Variants in CDH12 observed in about 807,000 individuals in gnomAD.
CDH12 encodes the protein cadherin-12.
CDH12 carries 41 observed loss-of-function variants against 74.1 expected under a neutral mutation model. That is an observed-to-expected ratio of 0.55 (90% confidence interval 0.43 to 0.72). The LOEUF (loss-of-function observed/expected upper bound fraction) is 0.72, where lower values mean the gene tolerates loss of function less well. Ranked by LOEUF, CDH12 falls within the 30% of genes least tolerant of loss-of-function variation. The pLI is 0.00. For missense variants in CDH12, 945 were observed against 977.2 expected (o/e 0.97, Z 0.44); for synonymous variants, 399 against 355.0 (o/e 1.12, Z -1.39).
At chr5:22,229,469 T>C (rs1752312841) in intron 3 of CDH12, among the ~76,000 whole-genome samples, 1 of 151,738 alleles carries the variant, frequency 6.6e-6, no homozygotes, top group African/African-American at 2.4e-5. Context: ...AAAAAGATTT[T>C]GAGCCTTGCT....
chr5:22,560,307 C>T (rs1738983353), intron 1 of CDH12, among the ~76,000 whole-genome samples: 1 of 152,136 alleles, frequency 6.6e-6, no homozygotes, highest in African/African-American at 2.4e-5. Flanking sequence ...ATCCTCCAGG[C>T]ATGTGAATCA....
intron 1 of CDH12, among the ~76,000 whole-genome samples, chr5:22,831,476 A>G (rs1275556053): frequency 2.0e-5 from 3 of 151,914 alleles, no homozygotes; most frequent in African/African-American, 7.3e-5. Context: ...TAGGAAGTAA[A>G]TGGAGGATGT....
intron 6 of CDH12, among the ~76,000 whole-genome samples, chr5:21,880,467 T>TTTCCTTCCTTCCTTCCTTCCTTCCTTCC (rs1207307885): frequency 7.1e-5 from 6 of 84,880 alleles, no homozygotes; most frequent in African/African-American, 2.7e-4. Context: ...TCCTTCCTTC[T>TTTCCTTCCTTCCTTCCTTCCTTCCTTCC]TTCCTTCCTT....
chr5:22,797,478 T>C (rs1455313095), intron 1 of CDH12, among the ~76,000 whole-genome samples: 1 of 152,202 alleles, frequency 6.6e-6, no homozygotes, highest in East Asian at 1.9e-4. Context: ...CCTTGTTCTG[T>C]ACTAAGTGGC....
At chr5:22,536,855 C>A (rs1737870146) in intron 1 of CDH12, among the ~76,000 whole-genome samples, 1 of 152,172 alleles carries the variant, frequency 6.6e-6, no homozygotes, top group African/African-American at 2.4e-5. Context: ...CACTTGACTG[C>A]ACAAAAACTT....
chr5:21,755,511 G>C, intron 14 of CDH12, 80 bp downstream of exon 14: 1 of 1,237,760 alleles, frequency 8.1e-7, no homozygotes, highest in African/African-American at 1.5e-5. Flanking sequence ...ATAAATTGAG[G>C]AGAGAGATGG....
intron 3 of CDH12, among the ~76,000 whole-genome samples, chr5:22,293,304 T>C (rs1737481456): frequency 6.6e-6 from 1 of 152,126 alleles, no homozygotes; most frequent in Non-Finnish European, 1.5e-5. Flanking sequence ...GCTCTTGCAG[T>C]GACCAGAAGA....
At chr5:22,004,858 T>C (rs918384953) in intron 5 of CDH12, among the ~76,000 whole-genome samples, 3 of 152,172 alleles carry the variant, frequency 2.0e-5, no homozygotes, top group African/African-American at 7.2e-5. Context: ...TATGTCCATG[T>C]GTACTCATTG....
chr5:22,270,402 T>C lies in CDH12; in HGVS notation c.-332-57759A>G, dbSNP rs1736340638. 2.0e-5 allele frequency among the ~76,000 whole-genome samples: 3 copies of C among 151,958 alleles called. No individual in the cohort carries two copies. The South Asian group carries it at 6.2e-4, about 31-fold the overall frequency. Reference sequence around the variant, plus strand: ...TGAGGTCTGGAGATCGAGACCATCCTGGATAACATGGTGAAACCCCATCTC... The same window carrying C: ...TGAGGTCTGGAGATCGAGACCATCCCGGATAACATGGTGAAACCCCATCTC... On this transcript the variant is annotated intron_variant, in intron 3 of 14. Transcript: ENST00000382254.
rs78742803 is a variant in CDH12 at position 22,016,938 on chromosome 5, C to T, written c.232-41553G>A. On this transcript the variant is annotated intron_variant, in intron 5 of 14. Coordinates refer to ENST00000382254, the MANE Select transcript of CDH12 (RefSeq NM_004061.5). ...CTTGTTTAATTTCTGTGCTATACTC[C>T]TTCTGTCACAGCTTGTTTCTATTTC... Among the ~76,000 whole-genome samples, 933 of 152,098 alleles carry T rather than the reference C, an allele frequency of 6.1e-3. 8 individuals carry two copies. Among genetic ancestry groups the T allele is most frequent in the African/African-American group, 0.022 (897 of 41,458 alleles).
chr5:22,717,962 A>G (rs1743668034), intron 1 of CDH12, among the ~76,000 whole-genome samples: 1 of 152,158 alleles, frequency 6.6e-6, no homozygotes, highest in Non-Finnish European at 1.5e-5. Context: ...TAATTGAGAT[A>G]ATTTTCTGTC....
chr5:22,384,518 T>C (rs1580591274), intron 3 of CDH12, among the ~76,000 whole-genome samples: 1 of 79,198 alleles, frequency 1.3e-5, no homozygotes, highest in Non-Finnish European at 2.5e-5. Context: ...AGAGCGAAAC[T>C]CCGTCTCAAA....
chr5:22,191,800 G>A (rs1750321891), intron 4 of CDH12, among the ~76,000 whole-genome samples: 1 of 151,852 alleles, frequency 6.6e-6, no homozygotes, highest in Non-Finnish European at 1.5e-5. Flanking sequence ...TCCTGACCTC[G>A]TGATCCGCCC....
intron 6 of CDH12, among the ~76,000 whole-genome samples, chr5:21,861,211 A>C (rs138296082): frequency 1.3e-5 from 2 of 151,758 alleles, no homozygotes; most frequent in African/African-American, 4.8e-5. Context: ...ACATTGATTT[A>C]TTTTTATCTC....
At position 22,211,773 on chromosome 5, in the gene CDH12, G is replaced by C. The variant is rs188860604; in HGVS notation, c.-187+725C>G. On this transcript the variant is annotated intron_variant, in intron 4 of 14. Transcript: ENST00000382254. Reference sequence around the variant, plus strand: ...TAAAAATGAAATAAAACATAAAAAAGATTTTTTTACAAACACGTAATCTCT... The same window carrying C: ...TAAAAATGAAATAAAACATAAAAAACATTTTTTTACAAACACGTAATCTCT... Among the ~76,000 whole-genome samples, 1,001 of 150,510 alleles carry C rather than the reference G, an allele frequency of 6.7e-3. 10 individuals are homozygous for C. Among genetic ancestry groups the C allele is most frequent in the African/African-American group, 0.023 (959 of 41,154 alleles).
intron 3 of CDH12, among the ~76,000 whole-genome samples, chr5:22,318,339 T>C (rs894019059): frequency 6.6e-6 from 1 of 152,172 alleles, no homozygotes; most frequent in African/African-American, 2.4e-5. Context: ...AGCTCCTGAC[T>C]TTTTGCTTCC....
chr5:22,621,846 T>C (rs1242524628), intron 1 of CDH12, among the ~76,000 whole-genome samples: 1 of 152,016 alleles, frequency 6.6e-6, no homozygotes, highest in East Asian at 1.9e-4. Flanking sequence ...AAATCGATAA[T>C]TCAGTGCCAC....
chr5:21,838,093 C>T (rs1019707354), intron 8 of CDH12, among the ~76,000 whole-genome samples: 7 of 152,124 alleles, frequency 4.6e-5, no homozygotes, highest in African/African-American at 1.7e-4. Flanking sequence ...ATTTGAACTT[C>T]AGATTTTTTG....
intron 3 of CDH12, among the ~76,000 whole-genome samples, chr5:22,288,182 T>C (rs1737237632): frequency 6.6e-6 from 1 of 152,176 alleles, no homozygotes; most frequent in South Asian, 2.1e-4. Flanking sequence ...TCAGAAGATA[T>C]GGAAATATGT....
Sources: gnomAD v4.1 joint callset for allele counts (sites outside exome capture counted in the v4.1 genomes callset) on GRCh38, gnomAD v4.1.1 for gene constraint, MANE v1.5 for transcripts, NCBI Gene and HGNC (gene_info 2026-07-23, HGNC 2026-07-21) for gene names.